The following RETREG1 variants were observed in gnomAD, a reference collection of about 807,000 sequenced individuals.
RETREG1 encodes reticulophagy regulator 1, also known as family with sequence similarity 134 member B.
In RETREG1, 44 loss-of-function variants were observed where a neutral mutation model predicts 54.8. The observed-to-expected ratio is 0.80, with a 90% CI of 0.63 to 1.03. RETREG1 has a LOEUF of 1.03. Among genes scored for constraint, RETREG1 ranks in the 50% least tolerant of loss-of-function variants. The probability of loss-of-function intolerance (pLI) is 0.00; values close to 1 mark genes in which losing one functional copy is unlikely to be tolerated. For synonymous variants in RETREG1, 217 were observed against 238.5 expected (o/e 0.91, Z 0.83); for missense variants, 554 against 605.1 (o/e 0.92, Z 0.89).
At chr5:16,569,856 G>A (rs1033295206) in intron 2 of RETREG1, among the ~76,000 whole-genome samples, 1 of 152,230 alleles carries the variant, frequency 6.6e-6, no homozygotes, top group African/African-American at 2.4e-5. Flanking sequence ...GGAAGATGGA[G>A]AAGTTTGACA....
chr5:16,473,825 T>C lies in RETREG1; in HGVS notation c.*916A>G, dbSNP rs1273295166. ...AGAAAACAGAGTTATTATATCTTTA[T>C]TGCTGATGATCACATCACTCATCAA... On this transcript the variant is annotated 3_prime_UTR_variant, in exon 9 of 9. Transcript: ENST00000306320. 6.6e-6 allele frequency: 1 copy of C among 152,198 alleles called. No homozygotes were observed. Among genetic ancestry groups the C allele is most frequent in the Non-Finnish European group, 1.5e-5 (1 of 68,032 alleles). The allele number at this position is 152,198 out of a possible 1,614,324, so 9.4% of individuals were successfully genotyped here.
At chr5:16,504,949 A>T (rs1739889986) in intron 3 of RETREG1, among the ~76,000 whole-genome samples, 2 of 152,244 alleles carry the variant, frequency 1.3e-5, no homozygotes, top group Non-Finnish European at 2.9e-5. Flanking sequence ...ATTAAGCCTA[A>T]AATCTGGCTA....
At chr5:16,526,719 T>C (rs558919924) in intron 3 of RETREG1, among the ~76,000 whole-genome samples, 1 of 152,360 alleles carries the variant, frequency 6.6e-6, no homozygotes, top group African/African-American at 2.4e-5. Flanking sequence ...AATATCAGAA[T>C]ATTAGAAATA....
intron 8 of RETREG1, among the ~76,000 whole-genome samples, chr5:16,477,299 C>T (rs1001923500): frequency 3.3e-5 from 5 of 152,244 alleles, no homozygotes; most frequent in Admixed American, 6.5e-5. Flanking sequence ...GCATCACTAT[C>T]TAATTCTAGG....
chr5:16,533,053 T>C, intron 3 of RETREG1, among the ~76,000 whole-genome samples: 1 of 51,742 alleles, frequency 1.9e-5, no homozygotes, highest in East Asian at 4.6e-4. Flanking sequence ...AATATGAACT[T>C]TTTTTTTTTT....
chr5:16,565,928 T>C (rs1741995125), intron 2 of RETREG1, 135 bp from the exon 3 acceptor site: 1 of 921,624 alleles, frequency 1.1e-6, no homozygotes, highest in African/African-American at 1.6e-5. Context: ...CATCAAGTCA[T>C]ACAGTGTACA....
chr5:16,544,069 G>A (rs1460941330), intron 3 of RETREG1, among the ~76,000 whole-genome samples: 2 of 148,228 alleles, frequency 1.3e-5, no homozygotes, highest in Non-Finnish European at 3.0e-5. Flanking sequence ...TCCGCCTCCT[G>A]GGTTAAAGCA....
intron 1 of RETREG1, among the ~76,000 whole-genome samples, chr5:16,604,800 GCAAA>G (rs1351995024): frequency 1.3e-5 from 2 of 152,190 alleles, no homozygotes; most frequent in African/African-American, 4.8e-5. Context: ...GGAATCAGCA[GCAAA>G]CAAAGAGCAC....
At chr5:16,532,491 A>T (rs1044378844) in intron 3 of RETREG1, among the ~76,000 whole-genome samples, 2 of 152,220 alleles carry the variant, frequency 1.3e-5, no homozygotes, top group African/African-American at 4.8e-5. Context: ...GCACCACTGC[A>T]CTTGAGCTAA....
chr5:16,477,658 A>G lies in RETREG1; in HGVS notation c.1000+4T>C, dbSNP rs2126510443. ...AATAAATGTCTCCAGAAATATTAGC[A>G]TACCATCAGAAGTGTCTGTCTGTGG... On this transcript the variant is annotated splice_donor_region_variant and intron_variant, in intron 8 of 8. Transcript: ENST00000306320. 6.2e-7 allele frequency: 1 copy of G among 1,612,770 alleles called. No homozygotes were observed. The highest frequency in any genetic ancestry group is 8.5e-7 in the Non-Finnish European group (1 of 1,179,106).
chr5:16,548,116 C>T (rs1409528458), intron 3 of RETREG1, among the ~76,000 whole-genome samples: 1 of 152,034 alleles, frequency 6.6e-6, no homozygotes, highest in Non-Finnish European at 1.5e-5. Flanking sequence ...TAAAGAATTC[C>T]TACCTAATAA....
intron 3 of RETREG1, among the ~76,000 whole-genome samples, chr5:16,510,229 C>T (rs1264785274): frequency 6.6e-6 from 1 of 152,128 alleles, no homozygotes; most frequent in East Asian, 1.9e-4. Flanking sequence ...ATTAACAATT[C>T]CTTAAGGCAT....
intron 3 of RETREG1, among the ~76,000 whole-genome samples, chr5:16,560,171 T>C (rs1741817445): frequency 6.6e-6 from 1 of 152,254 alleles, no homozygotes; most frequent in South Asian, 2.1e-4. Flanking sequence ...TTGTGAACTT[T>C]ATGAATACTC....
Position 16,616,949 on chromosome 5 carries a change from T to A in RETREG1, c.23A>T (p.Glu8Val). Residue 8 changes from glutamate (E) to valine (V), a missense_variant, in exon 1 of 9, where the codon GAG becomes GTG. By Grantham distance (121) the Glu-to-Val change is moderately radical. Around this residue, in one of 4 missense-constraint regions of RETREG1, gnomAD observed 175 missense variants for 142.1 expected, o/e 1.23. Transcript: ENST00000306320. ...AGCCGGGCATCCCTCCTCGGCGTGC[T>A]CCGGAGGCGCCGGGCTCGCCATCTT... Reference protein sequence around the residue: MASPAPPEHAEEGCPAPA... With the variant: MASPAPPVHAEEGCPAPA... The A allele has an allele frequency of 6.9e-7, 1 of 1,447,942 alleles. No homozygotes were observed. Among genetic ancestry groups the A allele is most frequent in the Non-Finnish European group, 9.0e-7 (1 of 1,105,578 alleles). 89.7% of individuals were successfully genotyped at this position (1,447,942 alleles called of 1,614,324 possible).
chr5:16,520,003 T>G (rs894072873), intron 3 of RETREG1, among the ~76,000 whole-genome samples: 23 of 152,184 alleles, frequency 1.5e-4, no homozygotes, highest in African/African-American at 5.1e-4. Flanking sequence ...CTGACCCTGT[T>G]ATGGGTTGGA....
chr5:16,497,750 G>A (rs1305811158), intron 3 of RETREG1, among the ~76,000 whole-genome samples: 1 of 152,064 alleles, frequency 6.6e-6, no homozygotes, highest in Non-Finnish European at 1.5e-5. Flanking sequence ...ATGTGTCACA[G>A]CACTCTTTCC....
intron 3 of RETREG1, among the ~76,000 whole-genome samples, chr5:16,506,017 G>C (rs1047046295): frequency 1.3e-5 from 2 of 152,202 alleles, no homozygotes; most frequent in Admixed American, 1.3e-4. Context: ...CCACAAGGAG[G>C]GGGGTCTCTC....
intron 1 of RETREG1, among the ~76,000 whole-genome samples, chr5:16,590,883 AC>A (rs1742750455): frequency 1.3e-5 from 2 of 148,250 alleles, no homozygotes; most frequent in Admixed American, 6.8e-5. Flanking sequence ...ACATACACAC[AC>A]ACGCACACAC....
At chr5:16,502,084 G>C (rs1052593520) in intron 3 of RETREG1, among the ~76,000 whole-genome samples, 14 of 151,188 alleles carry the variant, frequency 9.3e-5, no homozygotes, top group Admixed American at 5.3e-4. Flanking sequence ...AGCCTCCCAA[G>C]TAGCTGGGAC....
Sources: gnomAD v4.1 joint callset for allele counts (sites outside exome capture counted in the v4.1 genomes callset) on GRCh38, gnomAD v4.1.1 for gene constraint, gnomAD v4.1.1 regional missense constraint, MANE v1.5 for transcripts, NCBI Gene and HGNC (gene_info 2026-07-23, HGNC 2026-07-21) for gene names.